Variants in CA10 observed in about 807,000 individuals in gnomAD.
The protein encoded by CA10 is carbonic anhydrase 10 (inactive).
Under a neutral mutation model 44.2 loss-of-function variants are expected in CA10, and 14 were observed. The ratio of observed to expected loss-of-function variants is 0.32; its 90% CI spans 0.21 to 0.50. CA10 has a LOEUF of 0.50. Ranked by LOEUF, CA10 falls within the 20% of genes least tolerant of loss-of-function variation. The probability of loss-of-function intolerance (pLI) is 0.99; values close to 1 mark genes in which losing one functional copy is unlikely to be tolerated. For synonymous variants in CA10, 159 were observed against 141.6 expected (o/e 1.12, Z -0.87); for missense variants, 350 against 409.7 (o/e 0.85, Z 1.26).
intron 3 of CA10, among the ~76,000 whole-genome samples, chr17:51,877,039 G>C (rs1365482140): frequency 6.6e-6 from 1 of 152,176 alleles, no homozygotes; most frequent in Admixed American, 6.5e-5. Context: ...TTCATTTCCT[G>C]CTCCTTTTAG....
chr17:51,833,161 A>C (rs1001838995), intron 3 of CA10, among the ~76,000 whole-genome samples: 2 of 152,118 alleles, frequency 1.3e-5, no homozygotes, highest in African/African-American at 4.8e-5. Context: ...GAGAATGACG[A>C]TGAAGTCCTC....
At chr17:51,648,132 C>T (rs1340243491) in intron 6 of CA10, among the ~76,000 whole-genome samples, 2 of 152,228 alleles carry the variant, frequency 1.3e-5, no homozygotes, top group African/African-American at 2.4e-5. Context: ...AAGCATTCTC[C>T]ATACTCTCCC....
At chr17:51,772,710 CTTAA>C (rs1905658196) in intron 3 of CA10, among the ~76,000 whole-genome samples, 2 of 151,582 alleles carry the variant, frequency 1.3e-5, no homozygotes, top group Admixed American at 6.6e-5. Flanking sequence ...AGTTATGTAA[CTTAA>C]TTGTCATAAC....
chr17:52,121,360 C>T (rs184626804), intron 1 of CA10, among the ~76,000 whole-genome samples: 1 of 151,828 alleles, frequency 6.6e-6, no homozygotes, highest in Admixed American at 6.6e-5. Flanking sequence ...GTCTCATTAG[C>T]ATTAAAATAG....
At chr17:51,910,699 G>T (rs1043068555) in intron 3 of CA10, among the ~76,000 whole-genome samples, 1 of 152,062 alleles carries the variant, frequency 6.6e-6, no homozygotes, top group Non-Finnish European at 1.5e-5. Flanking sequence ...AAAACACATC[G>T]ATTGTTCAAA....
chr17:51,840,515 A>C (rs1211710480), intron 3 of CA10, among the ~76,000 whole-genome samples: 1 of 141,946 alleles, frequency 7.0e-6, no homozygotes, highest in Non-Finnish European at 1.6e-5. Context: ...ACACACACAC[A>C]CGTACTATAG....
chr17:52,013,102 C>G (rs2144139204), intron 2 of CA10, among the ~76,000 whole-genome samples: 1 of 152,008 alleles, frequency 6.6e-6, no homozygotes, highest in South Asian at 2.1e-4. Flanking sequence ...AAAGCAAAAA[C>G]AAAATTGCTC....
At chr17:52,030,659 G>T (rs1986438724) in intron 2 of CA10, among the ~76,000 whole-genome samples, 1 of 152,256 alleles carries the variant, frequency 6.6e-6, no homozygotes, top group African/African-American at 2.4e-5. Flanking sequence ...ATGTGGGTCT[G>T]AGTAAAATAG....
intron 2 of CA10, among the ~76,000 whole-genome samples, chr17:52,055,364 A>T (rs967233365): frequency 7.2e-6 from 1 of 139,004 alleles, no homozygotes; most frequent in South Asian, 2.2e-4. Flanking sequence ...AAAAAAAAAC[A>T]AAGCAAAACT....
intron 2 of CA10, among the ~76,000 whole-genome samples, chr17:51,945,018 C>A (rs1380299146): frequency 1.3e-5 from 2 of 152,144 alleles, no homozygotes; most frequent in Non-Finnish European, 2.9e-5. Context: ...TACACCCTCC[C>A]CTTGTAGGAA....
chr17:51,800,731 G>A (rs534576581), intron 3 of CA10, among the ~76,000 whole-genome samples: 2 of 152,302 alleles, frequency 1.3e-5, no homozygotes, highest in African/African-American at 4.8e-5. Flanking sequence ...TATGGAAAAT[G>A]TATATTAGAA....
At chr17:51,820,351 G>A in intron 3 of CA10, among the ~76,000 whole-genome samples, 1 of 150,314 alleles carries the variant, frequency 6.7e-6, no homozygotes, top group South Asian at 2.1e-4. Context: ...ATGACTCATG[G>A]GGTATAATCT....
chr17:51,911,620 A>T (rs949454116), intron 3 of CA10, among the ~76,000 whole-genome samples: 1 of 152,198 alleles, frequency 6.6e-6, no homozygotes, highest in African/African-American at 2.4e-5. Context: ...GAGACAGAAT[A>T]GTAATGAGCT....
chr17:51,841,986 G>A (rs1978324055), intron 3 of CA10, among the ~76,000 whole-genome samples: 1 of 152,156 alleles, frequency 6.6e-6, no homozygotes, highest in Non-Finnish European at 1.5e-5. Context: ...TCCCATAAAT[G>A]CTCTGACACT....
chr17:51,993,808 T>G (rs1985128832), intron 2 of CA10, among the ~76,000 whole-genome samples: 1 of 151,976 alleles, frequency 6.6e-6, no homozygotes, highest in Admixed American at 6.6e-5. Flanking sequence ...TTTCTCTCTC[T>G]TCTACCTCCC....
At chr17:51,789,358 G>T (rs557211050) in intron 3 of CA10, among the ~76,000 whole-genome samples, 16 of 152,308 alleles carry the variant, frequency 1.1e-4, no homozygotes, top group African/African-American at 3.9e-4. Context: ...TCATGGTAAT[G>T]CTTTGATGCT....
intron 3 of CA10, among the ~76,000 whole-genome samples, chr17:51,852,805 T>G (rs913172147): frequency 6.6e-6 from 1 of 152,200 alleles, no homozygotes; most frequent in Non-Finnish European, 1.5e-5. Flanking sequence ...CCTGAGTCTC[T>G]CAGCACAATG....
chr17:51,756,858 G>T (rs750639850), intron 3 of CA10, among the ~76,000 whole-genome samples: 1 of 152,184 alleles, frequency 6.6e-6, no homozygotes, highest in Non-Finnish European at 1.5e-5. Context: ...GGATATGCCA[G>T]GTTGGGTTTA....
intron 4 of CA10, among the ~76,000 whole-genome samples, chr17:51,736,334 G>A (rs149511516): frequency 0.02 from 3,084 of 152,274 alleles, 112 homozygotes; most frequent in African/African-American, 0.07. Flanking sequence ...AGCTGCAACA[G>A]GTAGAAAATG....
Sources: allele counts gnomAD v4.1 joint callset (sites outside exome capture counted in the v4.1 genomes callset), GRCh38; gene constraint gnomAD v4.1.1; transcripts MANE v1.5; gene names NCBI Gene and HGNC (gene_info 2026-07-23, HGNC 2026-07-21).